SENP3: variants seen among roughly 807,000 people sequenced by gnomAD.
SENP3 encodes the protein SUMO specific peptidase 3.
A neutral mutation model predicts 66.2 loss-of-function variants in SENP3; 11 were observed. That is an observed-to-expected ratio of 0.17 (90% CI 0.10 to 0.28). The LOEUF (loss-of-function observed/expected upper bound fraction) is 0.28, where lower values mean the gene tolerates loss of function less well. Among genes scored for constraint, SENP3 ranks in the 10% least tolerant of loss-of-function variants. The pLI, the probability that SENP3 is intolerant of heterozygous loss-of-function variation, is 1.00. For synonymous variants in SENP3, 292 were observed against 277.6 expected (o/e 1.05, Z -0.52); for missense variants, 548 against 743.7 (o/e 0.74, Z 3.06).
Position 7,570,270 on chromosome 17 carries a change from C to G in SENP3, c.1342-86C>G, listed in dbSNP as rs897166699. 1 of 1,507,536 alleles carries G rather than the reference C, an allele frequency of 6.6e-7. No individual in the cohort carries two copies. The highest frequency in any genetic ancestry group is 9.1e-7 in the Non-Finnish European group (1 of 1,104,912). The allele number at this position is 1,507,536 out of a possible 1,614,324, so 93.4% of individuals were successfully genotyped here. Reference sequence around the variant, plus strand: ...CTGTTCTTTCACTTGGTTCCCTTACCTGTGTCTCTGTTCCTCTCTAGAACC... The same window carrying G: ...CTGTTCTTTCACTTGGTTCCCTTACGTGTGTCTCTGTTCCTCTCTAGAACC... On this transcript the variant is annotated intron_variant, in intron 7 of 10. Transcript: ENST00000321337. This position sits in a 1 kb window ranked among gnomAD's most constrained non-coding sequence, Gnocchi z 5.4.
Position 7,563,622 on chromosome 17 carries a change from C to A in SENP3, c.546C>A (p.Pro182=), listed in dbSNP as rs768650821. 9.7e-5 allele frequency: 156 copies of A among 1,600,468 alleles called. No homozygotes were observed. Among genetic ancestry groups the A allele is most frequent in the Non-Finnish European group, 1.3e-4 (153 of 1,174,226 alleles). The change falls in exon 2 of 11, where the codon CCC becomes CCA. Residue 182 remains proline (P), a synonymous_variant. Transcript: ENST00000321337. ...QGGATPQVPS[P]CCRFDSPRGP... ...GTGCGACGCCACAGGTGCCATCCCC[C>A]TGTTGTCGTTTTGACTCCCCCCGGG...
Position 7,571,582 on chromosome 17 carries a change from T to C in SENP3, c.*99T>C. On this transcript the variant is annotated 3_prime_UTR_variant, in exon 11 of 11. Coordinates refer to ENST00000321337, the MANE Select transcript of SENP3 (RefSeq NM_015670.6). ...CCTTTCCTCTCTTGCCTCTTCCCAC[T>C]CACTTCCCTTTGGTTTTTCATATTT... 1 of 736,634 alleles carries C rather than the reference T, an allele frequency of 1.4e-6. No individual in the cohort carries two copies. The highest frequency in any genetic ancestry group is 2.3e-6 in the Non-Finnish European group (1 of 430,210). The allele number at this position is 736,634 out of a possible 1,614,324, so 45.6% of individuals were successfully genotyped here. A position where few individuals can be genotyped will look rare whatever the true frequency, so the allele number is the denominator to read the frequency against.
Position 7,563,420 on chromosome 17 carries a change from G to GACCC in SENP3, c.344_345insACCC (p.Thr117ProfsTer72). The GACCC allele has an allele frequency of 4.6e-6, 2 of 431,574 alleles. No homozygotes were observed. Among genetic ancestry groups the GACCC allele is most frequent in the Non-Finnish European group, 8.8e-6 (2 of 227,710 alleles). 26.7% of individuals were successfully genotyped at this position (431,574 alleles called of 1,614,324 possible). On this transcript the variant is annotated frameshift_variant, in exon 2 of 11. Coordinates refer to ENST00000321337, the MANE Select transcript of SENP3 (RefSeq NM_015670.6). LOFTEE classifies it high-confidence loss of function. Reference sequence around the variant, plus strand: ...ACCTCCCAGCGGCCCCGCCCTTCCCGCCCCACTCATCGAAAAACCTGCTCA... The same window carrying GACCC: ...ACCTCCCAGCGGCCCCGCCCTTCCCGACCCCCCCACTCATCGAAAAACCTGCTCA...
chr17:7,570,852 G>A lies in SENP3; in HGVS notation c.1564-31G>A. On this transcript the variant is annotated intron_variant, in intron 9 of 10. Transcript: ENST00000321337. The surrounding 1 kb of genome is among the most constrained non-coding windows in gnomAD (Gnocchi z 5.4). ...AAGTCCTACCCCTGGGAGTCTCCATGTGAAGGGCCTGCTTTCTTTCTCTTC... is the reference window on the plus strand; with the variant it reads ...AAGTCCTACCCCTGGGAGTCTCCATATGAAGGGCCTGCTTTCTTTCTCTTC... 8 of 1,610,618 alleles carry A rather than the reference G, an allele frequency of 5.0e-6. No individual in the cohort carries two copies. Among genetic ancestry groups the A allele is most frequent in the Non-Finnish European group, 6.8e-6 (8 of 1,178,222 alleles).
chr17:7,566,274 G>A (rs62059821), intron 6 of SENP3, among the ~76,000 whole-genome samples: 9,483 of 151,700 alleles, frequency 0.063, 440 homozygotes, highest in Non-Finnish European at 0.1. Context: ...CCGTGAGGCG[G>A]AGGTTGCGGT....
rs376454625 is a variant in SENP3, at chr17:7,568,325, C to T, written c.1341+1321C>T. 1.4e-4 allele frequency among the ~76,000 whole-genome samples: 21 copies of T among 152,350 alleles called. No homozygotes were observed. In the South Asian group the frequency reaches 3.3e-3, roughly 24 times the overall value. On this transcript the variant is annotated intron_variant, in intron 7 of 10. Coordinates refer to ENST00000321337, the MANE Select transcript of SENP3 (RefSeq NM_015670.6). Reference sequence around the variant, plus strand: ...CTAAAAACCGGAAAGGGGCCGGGTGCGGCGGCTCACGCCTGTACTCCCGGC... The same window carrying T: ...CTAAAAACCGGAAAGGGGCCGGGTGTGGCGGCTCACGCCTGTACTCCCGGC...
intron 7 of SENP3, among the ~76,000 whole-genome samples, chr17:7,568,516 G>A (rs2071285477): frequency 6.6e-6 from 1 of 152,144 alleles, no homozygotes; most frequent in African/African-American, 2.4e-5. Context: ...TTGAACCCGG[G>A]AGGCAGAGGT....
chr17:7,566,912 G>A lies in SENP3; in HGVS notation c.1264-15G>A, dbSNP rs1435728390. On this transcript the variant is annotated splice_polypyrimidine_tract_variant and intron_variant, in intron 6 of 10. Transcript: ENST00000321337. The stretch of plus-strand genomic sequence containing the variant: ...TCTTTTAATTCCATTGAGCTTTTTT[G>A]TGTCATTGGCACAGGTGCATTTCTT... 2 of 1,544,450 alleles carry A rather than the reference G, an allele frequency of 1.3e-6. No homozygotes were observed. The highest frequency in any genetic ancestry group is 1.8e-6 in the Non-Finnish European group (2 of 1,138,358).
At chr17:7,569,756 T>C (rs984117289) in intron 7 of SENP3, among the ~76,000 whole-genome samples, 4 of 152,254 alleles carry the variant, frequency 2.6e-5, no homozygotes, top group Admixed American at 1.3e-4. Context: ...CTTTCTTTCA[T>C]GACCTTGTGC....
Position 7,570,520 on chromosome 17 carries a change from C to G in SENP3, c.1479+27C>G, listed in dbSNP as rs934819472. ...TTTGAGGGGGTAGGAGAGAGATGGG[C>G]AAAATGTGGGGCGGTGCAGTGGCAA... On this transcript the variant is annotated intron_variant, in intron 8 of 10. Coordinates refer to ENST00000321337, the MANE Select transcript of SENP3 (RefSeq NM_015670.6). The surrounding 1 kb of genome is among the most constrained non-coding windows in gnomAD (Gnocchi z 5.4). 6.2e-7 allele frequency: 1 copy of G among 1,604,286 alleles called. No individual in the cohort carries two copies. Among genetic ancestry groups the G allele is most frequent in the African/African-American group, 1.3e-5 (1 of 74,692 alleles).
Position 7,562,424 on chromosome 17 carries a change from C to G in SENP3, c.-12+161C>G, listed in dbSNP as rs2071225146. Among the ~76,000 whole-genome samples the G allele has an allele frequency of 1.3e-5, 2 of 152,242 alleles. No individual in the cohort carries two copies. The highest frequency in any genetic ancestry group is 4.1e-4 in the South Asian group (2 of 4,838). On this transcript the variant is annotated intron_variant, in intron 1 of 10. Transcript: ENST00000321337. The surrounding 1 kb of genome is among the most constrained non-coding windows in gnomAD (Gnocchi z 5.0). ...GTGGGACCGGACTGGTGCCGGGTTG[C>G]ATTCTGGTCCCCGAGGATGAAGTAG...
At position 7,568,273 on chromosome 17, in the gene SENP3, A is replaced by C. The variant is rs1363026980; in HGVS notation, c.1341+1269A>C. On this transcript the variant is annotated intron_variant, in intron 7 of 10. Transcript: ENST00000321337. ...GGCAATCACTGAGGATCAGTGATTT[A>C]ATCAGTCATGCCTAGTAGTGAAGCC... Among the ~76,000 whole-genome samples, 4 of 151,958 alleles carry C rather than the reference A, an allele frequency of 2.6e-5. No individual in the cohort carries two copies. The East Asian group carries it at 7.7e-4, about 29-fold the overall frequency.
chr17:7,565,186 G>T, intron 4 of SENP3, 116 bp downstream of exon 4: 1 of 904,812 alleles, frequency 1.1e-6, no homozygotes, highest in South Asian at 1.6e-5. Context: ...TAGAGCTGAA[G>T]GGGAGGACTC....
rs758726661 is a variant in SENP3 at position 7,564,852 on chromosome 17, A to T, written c.943A>T (p.Thr315Ser). 1.9e-6 allele frequency: 3 copies of T among 1,610,462 alleles called. No homozygotes were observed. The highest frequency in any genetic ancestry group is 2.5e-6 in the Non-Finnish European group (3 of 1,177,800). ...CAGCCCCCTGCGAGAGGAGCATGTGACCTGCGTACAGAGTAAGGAGCCCTT... is the reference window on the plus strand; with the variant it reads ...CAGCCCCCTGCGAGAGGAGCATGTGTCCTGCGTACAGAGTAAGGAGCCCTT... ...QHSPLREEHV[T>S]CVQSILDEFL... The change falls in exon 3 of 11, where the codon ACC becomes TCC. Residue 315 changes from threonine (T) to serine (S), a missense_variant. This residue lies in a region of SENP3 where 215 missense variants were observed against 230.7 expected (regional missense o/e 0.93). Transcript: ENST00000321337.
rs769912044 is a variant in SENP3, at chr17:7,570,945, A to G, written c.1614+12A>G. ...CTTTTGTGTTGCAGGTAAGCAGATGATGGGGCCACCTCCCCTAGCTCTGAA... is the reference window on the plus strand; with the variant it reads ...CTTTTGTGTTGCAGGTAAGCAGATGGTGGGGCCACCTCCCCTAGCTCTGAA... On this transcript the variant is annotated intron_variant, in intron 10 of 10. Transcript: ENST00000321337. The surrounding 1 kb of genome is among the most constrained non-coding windows in gnomAD (Gnocchi z 5.4). 6.8e-6 allele frequency: 11 copies of G among 1,612,386 alleles called. No homozygotes were observed. In the South Asian group the frequency reaches 1.2e-4, roughly 18 times the overall value.
chr17:7,562,336 C>A lies in SENP3; in HGVS notation c.-12+73C>A. ...ATTCCTGGGCCTCGCTCCCACCGAA[C>A]CGGGGCCCAGAGGCCCGCATAGGGG... On this transcript the variant is annotated intron_variant, in intron 1 of 10. Transcript: ENST00000321337. The surrounding 1 kb of genome is among the most constrained non-coding windows in gnomAD (Gnocchi z 5.0). The A allele has an allele frequency of 2.5e-6, 1 of 396,306 alleles. No homozygotes were observed. The highest frequency in any genetic ancestry group is 4.4e-6 in the Non-Finnish European group (1 of 224,802). 24.5% of individuals were successfully genotyped at this position (396,306 alleles called of 1,614,324 possible). A position where few individuals can be genotyped will look rare whatever the true frequency, so the allele number is the denominator to read the frequency against.
Position 7,563,273 on chromosome 17 carries a change from C to T in SENP3, c.197C>T (p.Pro66Leu). The T allele has an allele frequency of 6.4e-7, 1 of 1,554,242 alleles. No homozygotes were observed. The highest frequency in any genetic ancestry group is 2.4e-5 in the East Asian group (1 of 41,100). Reference protein sequence around the residue: ...TTVPARRLPVPRPSFDASASE... With the variant: ...TTVPARRLPVLRPSFDASASE... ...GTGCCAGCCAGACGCCTCCCTGTCC[C>T]CCGACCCTCTTTTGATGCCTCAGCA... Residue 66 changes from proline (P) to leucine (L), a missense_variant, in exon 2 of 11, where the codon CCC becomes CTC. By Grantham distance (98) the Pro-to-Leu change is moderately conservative. Coordinates refer to ENST00000321337, the MANE Select transcript of SENP3 (RefSeq NM_015670.6).
intron 6 of SENP3, 26 bp downstream of exon 6, chr17:7,565,790 C>G (rs993190587): frequency 4.4e-6 from 7 of 1,607,730 alleles, no homozygotes; most frequent in Non-Finnish European, 6.0e-6. Flanking sequence ...TAGGTCAGTA[C>G]CCAGAGGAAC....
intron 4 of SENP3, 38 bp from the exon 5 acceptor site, chr17:7,565,402 C>T (rs756055944): frequency 2.5e-6 from 4 of 1,609,614 alleles, no homozygotes; most frequent in East Asian, 2.2e-5. Context: ...GCCCCAGCTG[C>T]ATCATCTTTT....
Sources: allele counts gnomAD v4.1 joint callset (sites outside exome capture counted in the v4.1 genomes callset), GRCh38; gene constraint gnomAD v4.1.1; regional missense constraint gnomAD v4.1.1; non-coding constraint Gnocchi (gnomAD v3.1); transcripts MANE v1.5; gene names NCBI Gene and HGNC (gene_info 2026-07-23, HGNC 2026-07-21).